The following LHX4 variants were observed in gnomAD, a reference collection of about 807,000 sequenced individuals.
LHX4 encodes LIM/homeobox protein Lhx4.
Under a neutral mutation model 39.2 loss-of-function variants are expected in LHX4, and 16 were observed. The observed-to-expected ratio is 0.41, with a 90% CI of 0.28 to 0.62. The LOEUF is 0.62. LHX4 is among the 20% of genes least tolerant of loss of function. The pLI is 0.33. For missense variants in LHX4, 439 were observed against 511.9 expected, an observed-to-expected ratio of 0.86 and a Z score of 1.37; for synonymous variants, 206 against 198.1, an observed-to-expected ratio of 1.04 and a Z score of -0.33.
intron 2 of LHX4, among the ~76,000 whole-genome samples, chr1:180,248,852 G>A (rs3911333): frequency 0.18 from 27,917 of 152,224 alleles, 2,694 homozygotes; most frequent in African/African-American, 0.2. Context: ...AACTTTCAGA[G>A]CAGCTGCTTT....
chr1:180,259,901 C>T (rs1026864870), intron 2 of LHX4, among the ~76,000 whole-genome samples: 1 of 151,474 alleles, frequency 6.6e-6, no homozygotes, highest in South Asian at 2.1e-4. Flanking sequence ...GAAGTGACCC[C>T]TGGAGCTGTG....
chr1:180,261,870 T>C (rs1648127065), intron 2 of LHX4, among the ~76,000 whole-genome samples: 1 of 152,198 alleles, frequency 6.6e-6, no homozygotes, highest in Non-Finnish European at 1.5e-5. Flanking sequence ...TTGGGGGTTA[T>C]CCTACCAACA....
rs1469520765 is a variant in LHX4 at position 180,266,312 on chromosome 1, G to C, written c.249-80G>C. ...GGAGTCCCGGAGTGGTGGGGTAGGAGGGAGGCTGCTCCAGGAAGTTGGGGG... is the reference window on the plus strand; with the variant it reads ...GGAGTCCCGGAGTGGTGGGGTAGGACGGAGGCTGCTCCAGGAAGTTGGGGG... On this transcript the variant is annotated intron_variant, in intron 2 of 5. Coordinates refer to ENST00000263726, the MANE Select transcript of LHX4 (RefSeq NM_033343.4). The surrounding 1 kb of genome is among the most constrained non-coding windows in gnomAD (Gnocchi z 5.7). The C allele has an allele frequency of 7.1e-7, 1 of 1,402,378 alleles. No homozygotes were observed. The highest frequency in any genetic ancestry group is 1.0e-6 in the Non-Finnish European group (1 of 992,566). 86.9% of individuals were successfully genotyped at this position (1,402,378 alleles called of 1,614,324 possible). A position where few individuals can be genotyped will look rare whatever the true frequency, so the allele number is the denominator to read the frequency against.
At chr1:180,271,593 G>T in intron 4 of LHX4, 59 bp downstream of exon 4, 4 of 1,596,672 alleles carry the variant, frequency 2.5e-6, no homozygotes, top group Non-Finnish European at 2.6e-6. Flanking sequence ...AGGGGTGGAA[G>T]GTATCCTGAG....
chr1:180,257,253 G>A (rs980900498), intron 2 of LHX4, among the ~76,000 whole-genome samples: 1 of 152,188 alleles, frequency 6.6e-6, no homozygotes, highest in Non-Finnish European at 1.5e-5. Flanking sequence ...TTAGGGCCTT[G>A]GACTAGGTCA....
chr1:180,233,484 G>A (rs1040236966), intron 1 of LHX4, among the ~76,000 whole-genome samples: 2 of 152,228 alleles, frequency 1.3e-5, no homozygotes, highest in African/African-American at 2.4e-5. Flanking sequence ...ACCCGGGGCC[G>A]TGTTGGGTAC....
intron 1 of LHX4, among the ~76,000 whole-genome samples, chr1:180,231,872 G>T (rs959793197): frequency 6.6e-6 from 1 of 152,156 alleles, no homozygotes; most frequent in African/African-American, 2.4e-5. Flanking sequence ...CGTACCGTAG[G>T]CTTCCCTGGG....
At position 180,274,605 on chromosome 1, in the gene LHX4, C is replaced by G. The variant is rs138054044; in HGVS notation, c.*26C>G. 6 of 1,535,150 alleles carry G rather than the reference C, an allele frequency of 3.9e-6. No homozygotes were observed. The African/African-American group carries it at 5.5e-5, about 14-fold the overall frequency. On this transcript the variant is annotated 3_prime_UTR_variant, in exon 6 of 6. Coordinates refer to ENST00000263726, the MANE Select transcript of LHX4 (RefSeq NM_033343.4). ...ACTTCTCTCCTCCCCACCCTACCTG[C>G]CCCCCTGGCTTGAGAGAATATCTTC...
At position 180,234,812 on chromosome 1, in the gene LHX4, G is replaced by T. The variant is rs1664272920; in HGVS notation, c.76+4207G>T. 6.6e-6 allele frequency among the ~76,000 whole-genome samples: 1 copy of T among 152,224 alleles called. No individual in the cohort carries two copies. Among genetic ancestry groups the T allele is most frequent in the African/African-American group, 2.4e-5 (1 of 41,456 alleles). ...GGCTCGTGGAAAACCAGAGCTAGGCGGGGCTACGCAGGGCTGAGCAGGAGT... is the reference window on the plus strand; with the variant it reads ...GGCTCGTGGAAAACCAGAGCTAGGCTGGGCTACGCAGGGCTGAGCAGGAGT... On this transcript the variant is annotated intron_variant, in intron 1 of 5. Transcript: ENST00000263726. This position sits in a 1 kb window ranked among gnomAD's most constrained non-coding sequence, Gnocchi z 4.8.
At chr1:180,254,444 T>G (rs1199979005) in intron 2 of LHX4, among the ~76,000 whole-genome samples, 3 of 152,194 alleles carry the variant, frequency 2.0e-5, no homozygotes, top group African/African-American at 7.2e-5. Context: ...CAAGGGCAGG[T>G]AGGCAGCGTC....
Position 180,235,974 on chromosome 1 carries a change from C to T in LHX4, c.76+5369C>T, listed in dbSNP as rs543252241. On this transcript the variant is annotated intron_variant, in intron 1 of 5. Transcript: ENST00000263726. The stretch of plus-strand genomic sequence containing the variant: ...AAAGGAAATGAATTACTAGAAAAGC[C>T]GTGAAGGGATAAAACCGGGAGCAGC... 3.3e-5 allele frequency among the ~76,000 whole-genome samples: 5 copies of T among 152,190 alleles called. No individual in the cohort carries two copies. The South Asian group carries it at 6.2e-4, about 19-fold the overall frequency.
At chr1:180,242,951 G>C (rs908070822) in intron 1 of LHX4, among the ~76,000 whole-genome samples, 1 of 152,218 alleles carries the variant, frequency 6.6e-6, no homozygotes, top group East Asian at 1.9e-4. Context: ...GAGCTTATTG[G>C]GGATTTGGAA....
At chr1:180,264,950 C>A (rs1332951946) in intron 2 of LHX4, among the ~76,000 whole-genome samples, 2 of 152,200 alleles carry the variant, frequency 1.3e-5, no homozygotes, top group African/African-American at 4.8e-5. Flanking sequence ...AGAGAACCCC[C>A]ACTTTTCTCT....
In LHX4 at chr1:180,271,466, C is replaced by G; in HGVS notation, c.538C>G (p.Pro180Ala). ...ATTAAAGAATGCATACAAGAACTCCCCCAAGCCTGCCCGGCACGTGAGGGA... is the reference window on the plus strand; with the variant it reads ...ATTAAAGAATGCATACAAGAACTCCGCCAAGCCTGCCCGGCACGTGAGGGA... Reference protein sequence around the residue: ...ETLKNAYKNSPKPARHVREQL... With the variant: ...ETLKNAYKNSAKPARHVREQL... Residue 180 changes from proline to alanine, a missense_variant, in exon 4 of 6, where the codon CCC becomes GCC. Coordinates refer to ENST00000263726, the MANE Select transcript of LHX4 (RefSeq NM_033343.4). The G allele has an allele frequency of 6.2e-7, 1 of 1,614,182 alleles. No homozygotes were observed. The highest frequency in any genetic ancestry group is 8.5e-7 in the Non-Finnish European group (1 of 1,180,026).
rs1307674006 is a variant in LHX4 at position 180,232,395 on chromosome 1, C to G, written c.76+1790C>G. Among the ~76,000 whole-genome samples the G allele has an allele frequency of 6.6e-6, 1 of 152,204 alleles. No homozygotes were observed. Among genetic ancestry groups the G allele is most frequent in the East Asian group, 1.9e-4 (1 of 5,198 alleles). On this transcript the variant is annotated intron_variant, in intron 1 of 5. Transcript: ENST00000263726. This position sits in a 1 kb window ranked among gnomAD's most constrained non-coding sequence, Gnocchi z 5.4. ...TTTTGCCTTCCCTGTTCAGAGACAA[C>G]TTTGATGTTCGACGTCAGGGAGTCG...
At chr1:180,248,680 A>T in intron 2 of LHX4, 1 of 614,534 alleles carries the variant, frequency 1.6e-6, no homozygotes, top group Admixed American at 2.3e-5. Context: ...TGATCTCTGC[A>T]TGGGGCAGGG....
In LHX4 at chr1:180,272,188, G is replaced by C. The variant is rs139705007; in HGVS notation, c.778+182G>C. ...GTAGTGGCCCTTTACCATGGGACAG[G>C]AGTAGGAAACAAGATTGCTGAGGTC... On this transcript the variant is annotated intron_variant, in intron 5 of 5. Transcript: ENST00000263726. Among the ~76,000 whole-genome samples, 962 of 152,156 alleles carry C rather than the reference G, an allele frequency of 6.3e-3. 10 individuals carry two copies. The highest frequency in any genetic ancestry group is 0.022 in the African/African-American group (914 of 41,496).
intron 2 of LHX4, among the ~76,000 whole-genome samples, chr1:180,251,677 G>A (rs1647634564): frequency 6.6e-6 from 1 of 152,206 alleles, no homozygotes; most frequent in Non-Finnish European, 1.5e-5. Context: ...TATGCTGCAA[G>A]GCGTCTTTGA....
chr1:180,260,612 C>G (rs1471330983), intron 2 of LHX4, among the ~76,000 whole-genome samples: 2 of 151,868 alleles, frequency 1.3e-5, no homozygotes, highest in African/African-American at 4.9e-5. Flanking sequence ...TCTTCTCTGC[C>G]CACACCTGGG....
Sources: allele counts gnomAD v4.1 joint callset (sites outside exome capture counted in the v4.1 genomes callset), GRCh38; gene constraint gnomAD v4.1.1; non-coding constraint Gnocchi (gnomAD v3.1); transcripts MANE v1.5; gene names NCBI Gene and HGNC (gene_info 2026-07-23, HGNC 2026-07-21).